RIC1: variants seen among roughly 807,000 people sequenced by gnomAD.
The protein encoded by RIC1 is guanine nucleotide exchange factor subunit RIC1.
Under a neutral mutation model 169.0 loss-of-function variants are expected in RIC1, and 88 were observed. That is an observed-to-expected ratio of 0.52 (90% CI 0.44 to 0.62). RIC1 has a LOEUF of 0.62. Ranked by LOEUF, RIC1 falls within the 20% of genes least tolerant of loss-of-function variation. The pLI is 0.00. For missense variants in RIC1, 1,877 were observed against 1,725.5 expected (o/e 1.09, Z -1.56); for synonymous variants, 790 against 601.5 (o/e 1.31, Z -4.59).
intron 3 of RIC1, among the ~76,000 whole-genome samples, chr9:5,709,306 C>G (rs527989034): frequency 6.6e-6 from 1 of 152,282 alleles, no homozygotes; most frequent in South Asian, 2.1e-4. Context: ...CCAATCCATT[C>G]CTTAGCATTC....
chr9:5,672,245 G>GA (rs1333495496), intron 2 of RIC1, among the ~76,000 whole-genome samples: 1 of 152,008 alleles, frequency 6.6e-6, no homozygotes, highest in Non-Finnish European at 1.5e-5. Context: ...ACACAGCAAA[G>GA]AAAAAAACCA....
Position 5,770,261 on chromosome 9 carries a change from C to T in RIC1, c.3599C>T (p.Ser1200Leu). 6.2e-7 allele frequency: 1 copy of T among 1,612,784 alleles called. No individual in the cohort carries two copies. Among genetic ancestry groups the T allele is most frequent in the Non-Finnish European group, 8.5e-7 (1 of 1,179,366 alleles). Residue 1200 changes from serine to leucine, a missense_variant, in exon 23 of 26, where the codon TCA (serine) becomes TTA (leucine). This residue lies in a region of RIC1 where 681 missense variants were observed against 582.0 expected (regional missense o/e 1.17). Transcript: ENST00000414202. ...HGPQMQDAFL[S>L]PLSNKGDECS... is the part of the protein sequence containing the mutation. ...CCACAAATGCAAGATGCCTTCTTGT[C>T]ACCTTTATCTAATAAAGGTAAATGT...
chr9:5,639,998 G>A (rs1170409236), intron 1 of RIC1, among the ~76,000 whole-genome samples: 1 of 152,146 alleles, frequency 6.6e-6, no homozygotes, highest in Non-Finnish European at 1.5e-5. Context: ...CAACAGATCA[G>A]TGGATCTTGT....
At position 5,757,386 on chromosome 9, in the gene RIC1, G is replaced by T; in HGVS notation, c.1927G>T (p.Val643Leu). Residue 643 changes from valine to leucine, a missense_variant, in exon 17 of 26, where the codon GTG becomes TTG. Around this residue, in one of 3 missense-constraint regions of RIC1, gnomAD observed 1,104 missense variants for 992.0 expected, o/e 1.11. Transcript: ENST00000414202. ...ACGCTACATTCCTCACCCTTTCCTG[G>T]TGGTATCTGTCACTCTGACATCAGT... ...MSRYIPHPFL[V>L]VSVTLTSVST... The T allele has an allele frequency of 6.2e-7, 1 of 1,613,972 alleles. No homozygotes were observed. The highest frequency in any genetic ancestry group is 1.3e-5 in the African/African-American group (1 of 74,990).
chr9:5,741,462 C>G (rs1040853703), intron 8 of RIC1, among the ~76,000 whole-genome samples: 3 of 152,036 alleles, frequency 2.0e-5, no homozygotes, highest in African/African-American at 7.2e-5. Context: ...ACACTTTTTT[C>G]CATGTTTCTT....
rs768735352 is a variant in RIC1, at chr9:5,775,258, G to T, written c.*1012G>T. On this transcript the variant is annotated 3_prime_UTR_variant, in exon 26 of 26. Coordinates refer to ENST00000414202, the MANE Select transcript of RIC1 (RefSeq NM_020829.4). ...CTATGTAAATAGACTGCTGAATCCTGTATTACCACGGCTACTAAAAATTAG... is the reference window on the plus strand; with the variant it reads ...CTATGTAAATAGACTGCTGAATCCTTTATTACCACGGCTACTAAAAATTAG... 1.3e-4 allele frequency: 20 copies of T among 152,148 alleles called. No homozygotes were observed. The highest frequency in any genetic ancestry group is 1.3e-3 in the Admixed American group (20 of 15,278). 9.4% of individuals were successfully genotyped at this position (152,148 alleles called of 1,614,324 possible).
chr9:5,718,421 G>A (rs536471788), intron 4 of RIC1, among the ~76,000 whole-genome samples: 95 of 152,214 alleles, frequency 6.2e-4, no homozygotes, highest in African/African-American at 2.2e-3. Context: ...CAGTGAAGAG[G>A]GAAGGGGTCT....
intron 4 of RIC1, among the ~76,000 whole-genome samples, chr9:5,719,813 T>C (rs1823480029): frequency 6.6e-6 from 1 of 152,238 alleles, no homozygotes; most frequent in Admixed American, 6.5e-5. Flanking sequence ...ACCTCTACAC[T>C]TAATGGCTCT....
intron 17 of RIC1, among the ~76,000 whole-genome samples, chr9:5,760,044 C>G (rs1279583945): frequency 6.6e-6 from 1 of 152,160 alleles, no homozygotes; most frequent in African/African-American, 2.4e-5. Flanking sequence ...TTAAAATTGA[C>G]TGATTACCAT....
At chr9:5,764,050 G>A (rs1390112905) in intron 19 of RIC1, among the ~76,000 whole-genome samples, 182 bp downstream of exon 19, 2 of 152,076 alleles carry the variant, frequency 1.3e-5, no homozygotes, top group African/African-American at 4.8e-5. Context: ...ACATTGCAGA[G>A]ATATTTTTTC....
At chr9:5,725,769 C>T (rs1015630892) in intron 6 of RIC1, among the ~76,000 whole-genome samples, 1 of 152,016 alleles carries the variant, frequency 6.6e-6, no homozygotes, top group Non-Finnish European at 1.5e-5. Context: ...TCTTTGTTCT[C>T]GTTGGTTTCA....
rs144354902 is a variant in RIC1, at chr9:5,671,187, T to C, written c.252+14497T>C. 1.1e-3 allele frequency among the ~76,000 whole-genome samples: 162 copies of C among 152,128 alleles called. 1 individual carries two copies. The East Asian group carries it at 0.029, about 27-fold the overall frequency. ...TCCTAATGTCTTGCTAAACAGATGATACAAAAATATCAGTGACCTTTCTAA... is the reference window on the plus strand; with the variant it reads ...TCCTAATGTCTTGCTAAACAGATGACACAAAAATATCAGTGACCTTTCTAA... On this transcript the variant is annotated intron_variant, in intron 2 of 25. Transcript: ENST00000414202.
At chr9:5,650,183 G>T (rs1818724792) in intron 1 of RIC1, among the ~76,000 whole-genome samples, 1 of 152,126 alleles carries the variant, frequency 6.6e-6, no homozygotes, top group African/African-American at 2.4e-5. Flanking sequence ...GGTGCTGGTG[G>T]TTGCAGTGGA....
At chr9:5,769,891 A>T (rs890685714) in intron 22 of RIC1, among the ~76,000 whole-genome samples, 196 bp from the exon 23 acceptor site, 2 of 152,170 alleles carry the variant, frequency 1.3e-5, no homozygotes, top group Non-Finnish European at 2.9e-5. Context: ...TTTAGGTGGT[A>T]TTGTGGTCAG....
chr9:5,756,494 T>TAA (rs79034593), intron 16 of RIC1, 122 bp downstream of exon 16: 41 of 563,404 alleles, frequency 7.3e-5, no homozygotes, highest in East Asian at 4.3e-4. Context: ...TTGTTAGAGG[T>TAA]AAAAAAAGCA....
At chr9:5,666,824 A>G (rs1819799478) in intron 2 of RIC1, among the ~76,000 whole-genome samples, 1 of 151,938 alleles carries the variant, frequency 6.6e-6, no homozygotes, top group African/African-American at 2.4e-5. Flanking sequence ...AACTCAAGTC[A>G]GTTTTGGTAG....
chr9:5,752,004 A>G (rs577167029), intron 12 of RIC1, among the ~76,000 whole-genome samples: 108 of 152,364 alleles, frequency 7.1e-4, no homozygotes, highest in African/African-American at 2.5e-3. Context: ...CAAGAACAGA[A>G]GACTCTTTGT....
rs1018206273 is a variant in RIC1 at position 5,774,163 on chromosome 9, G to A, written c.4189G>A (p.Val1397Ile). The A allele has an allele frequency of 6.2e-7, 1 of 1,614,046 alleles. No individual in the cohort carries two copies. Among genetic ancestry groups the A allele is most frequent in the Non-Finnish European group, 8.5e-7 (1 of 1,179,984 alleles). Residue 1397 changes from valine (V) to isoleucine (I), a missense_variant, in exon 26 of 26, where the codon GTC becomes ATC. Val to Ile is a conservative substitution (Grantham distance 29). Around this residue, in one of 3 missense-constraint regions of RIC1, gnomAD observed 681 missense variants for 582.0 expected, o/e 1.17. Transcript: ENST00000414202. ...PQGEVGSSNM[V>I]SRKEEDTAQA... ...GGGTGAAGTTGGAAGCAGCAATATG[G>A]TCAGCCGGAAAGAGGAGGACACAGC...
At chr9:5,729,090 A>G (rs1297685334) in intron 6 of RIC1, among the ~76,000 whole-genome samples, 1 of 152,138 alleles carries the variant, frequency 6.6e-6, no homozygotes, top group African/African-American at 2.4e-5. Context: ...TCTAGAGGAT[A>G]TATACTTGGC....
Sources: allele counts gnomAD v4.1 joint callset (sites outside exome capture counted in the v4.1 genomes callset), GRCh38; gene constraint gnomAD v4.1.1; regional missense constraint gnomAD v4.1.1; transcripts MANE v1.5; gene names NCBI Gene and HGNC (gene_info 2026-07-23, HGNC 2026-07-21).